LRRC4C: variants seen among roughly 807,000 people sequenced by gnomAD.
The protein encoded by LRRC4C is leucine-rich repeat-containing protein 4C.
LRRC4C carries 5 observed loss-of-function variants against 33.6 expected under a neutral mutation model. The ratio of observed to expected loss-of-function variants is 0.15; its 90% CI spans 0.08 to 0.31. The LOEUF (loss-of-function observed/expected upper bound fraction) is 0.31. Among genes scored for constraint, LRRC4C ranks in the 10% least tolerant of loss-of-function variants. The pLI is 1.00. For synonymous variants in LRRC4C, 329 were observed against 302.0 expected (o/e 1.09, Z -0.93); for missense variants, 560 against 796.7 (o/e 0.70, Z 3.58).
intron 4 of LRRC4C, among the ~76,000 whole-genome samples, chr11:40,274,961 G>T (rs1485902197): frequency 6.6e-6 from 1 of 152,100 alleles, no homozygotes; most frequent in African/African-American, 2.4e-5. Flanking sequence ...ATAGCTTATG[G>T]CAGTGTCCTA....
chr11:40,375,485 G>A lies in LRRC4C; in HGVS notation c.-269-55764C>T, dbSNP rs577134681. Among the ~76,000 whole-genome samples the A allele has an allele frequency of 2.6e-5, 4 of 152,250 alleles. No homozygotes were observed. In the South Asian group the frequency reaches 8.3e-4, roughly 32 times the overall value. ...AGCTTAATAACTTAGTTTTTAAGTTGAGGAAGCACAGATTTACTATTAGTA... is the reference window on the plus strand; with the variant it reads ...AGCTTAATAACTTAGTTTTTAAGTTAAGGAAGCACAGATTTACTATTAGTA... On this transcript the variant is annotated intron_variant, in intron 3 of 6. Transcript: ENST00000528697.
chr11:41,455,400 A>G (rs1464385178), intron 1 of LRRC4C, among the ~76,000 whole-genome samples: 4 of 152,092 alleles, frequency 2.6e-5, no homozygotes. Context: ...TGAAACTAAA[A>G]TTATGCCTCA....
chr11:41,118,211 A>G (rs940530323), intron 1 of LRRC4C, among the ~76,000 whole-genome samples: 3 of 152,172 alleles, frequency 2.0e-5, no homozygotes, highest in African/African-American at 7.2e-5. Flanking sequence ...CTGAAGCACA[A>G]TGCTGTTTTT....
chr11:41,227,065 C>G (rs545886448), intron 1 of LRRC4C, among the ~76,000 whole-genome samples: 1 of 151,974 alleles, frequency 6.6e-6, no homozygotes, highest in East Asian at 1.9e-4. Context: ...AGATAATGGG[C>G]AAGACTAGTA....
intron 3 of LRRC4C, among the ~76,000 whole-genome samples, chr11:40,518,091 C>T (rs980771772): frequency 6.6e-6 from 1 of 152,100 alleles, no homozygotes; most frequent in Non-Finnish European, 1.5e-5. Context: ...CTTCCTTACA[C>T]CTTATACAAA....
intron 1 of LRRC4C, among the ~76,000 whole-genome samples, chr11:41,278,451 C>T (rs960800483): frequency 6.6e-5 from 10 of 152,176 alleles, no homozygotes; most frequent in African/African-American, 2.2e-4. Flanking sequence ...TGAGGACTTA[C>T]TGTATACTTC....
At chr11:40,135,276 C>T (rs1321271944) in intron 6 of LRRC4C, among the ~76,000 whole-genome samples, 1 of 152,156 alleles carries the variant, frequency 6.6e-6, no homozygotes, top group African/African-American at 2.4e-5. Context: ...TTAAGGCAGT[C>T]CTCATTTTGC....
At chr11:40,693,578 AC>A (rs1945331160) in intron 2 of LRRC4C, among the ~76,000 whole-genome samples, 1 of 152,108 alleles carries the variant, frequency 6.6e-6, no homozygotes, top group Admixed American at 6.6e-5. Context: ...TGAGGTTGTT[AC>A]CAGCTAAATA....
chr11:41,196,415 A>G (rs1298473564), intron 1 of LRRC4C, among the ~76,000 whole-genome samples: 1 of 152,084 alleles, frequency 6.6e-6, no homozygotes, highest in Non-Finnish European at 1.5e-5. Context: ...TGATGACAAG[A>G]ACTTAAATCA....
chr11:40,500,271 G>GATATAT (rs377169790), intron 3 of LRRC4C, among the ~76,000 whole-genome samples: 196 of 104,968 alleles, frequency 1.9e-3, no homozygotes, highest in Middle Eastern at 5.5e-3. Flanking sequence ...CCTAATGTCT[G>GATATAT]ATATATATAT....
At chr11:41,053,700 G>C (rs951899292) in intron 1 of LRRC4C, among the ~76,000 whole-genome samples, 1 of 152,130 alleles carries the variant, frequency 6.6e-6, no homozygotes, top group Non-Finnish European at 1.5e-5. Flanking sequence ...AAAGTATTGA[G>C]TTACTAAAAC....
chr11:40,505,762 C>T (rs1955002926), intron 3 of LRRC4C, among the ~76,000 whole-genome samples: 1 of 152,096 alleles, frequency 6.6e-6, no homozygotes, highest in Admixed American at 6.6e-5. Context: ...GTTATTATTT[C>T]AAAGAGGAAA....
chr11:41,135,127 T>C (rs1590710344), intron 1 of LRRC4C, among the ~76,000 whole-genome samples: 1 of 152,154 alleles, frequency 6.6e-6, no homozygotes, highest in South Asian at 2.1e-4. Context: ...CACATGGCCA[T>C]AAGGGTTGTG....
intron 4 of LRRC4C, chr11:40,293,933 C>T (rs887902830): frequency 2.0e-5 from 3 of 152,382 alleles, no homozygotes; most frequent in Non-Finnish European, 4.4e-5. Context: ...AACTCTCTTC[C>T]TCCCCCTCCC....
intron 3 of LRRC4C, among the ~76,000 whole-genome samples, chr11:40,539,649 G>A (rs1397513413): frequency 6.6e-6 from 1 of 152,076 alleles, no homozygotes; most frequent in African/African-American, 2.4e-5. Context: ...TACCTACAGA[G>A]TATCACTCTG....
chr11:41,378,276 A>G (rs1413258383), intron 1 of LRRC4C, among the ~76,000 whole-genome samples: 2 of 152,180 alleles, frequency 1.3e-5, no homozygotes, highest in Non-Finnish European at 2.9e-5. Context: ...AAAGGCAAAA[A>G]TAGGCACAAA....
intron 1 of LRRC4C, among the ~76,000 whole-genome samples, chr11:41,296,560 C>A (rs1305056553): frequency 1.3e-5 from 2 of 152,048 alleles, no homozygotes; most frequent in South Asian, 4.1e-4. Flanking sequence ...GGTGATTAGC[C>A]CACCTCAGCC....
At position 41,258,256 on chromosome 11, in the gene LRRC4C, A is replaced by G. The variant is rs193005503; in HGVS notation, c.-496+201175T>C. Among the ~76,000 whole-genome samples the G allele has an allele frequency of 2.6e-5, 4 of 152,116 alleles. No homozygotes were observed. In the East Asian group the frequency reaches 7.7e-4, roughly 29 times the overall value. ...AGATTTTCCAGAAAGCTTACATTAT[A>G]TATTTGGTATTCTAGTTATGGCATT... On this transcript the variant is annotated intron_variant, in intron 1 of 6. Transcript: ENST00000528697.
intron 3 of LRRC4C, among the ~76,000 whole-genome samples, chr11:40,584,716 G>C (rs568267640): frequency 1.3e-5 from 2 of 152,120 alleles, no homozygotes; most frequent in Non-Finnish European, 2.9e-5. Flanking sequence ...TGGATCAGCT[G>C]AGGTCAGGAG....
Sources: gnomAD v4.1 joint callset for allele counts (sites outside exome capture counted in the v4.1 genomes callset) on GRCh38, gnomAD v4.1.1 for gene constraint, MANE v1.5 for transcripts, NCBI Gene and HGNC (gene_info 2026-07-23, HGNC 2026-07-21) for gene names.